Variants in DENND2C observed in about 807,000 individuals in gnomAD.
The protein encoded by DENND2C is DENN domain containing 2C, also known as DENN domain-containing protein 2C.
DENND2C carries 72 observed loss-of-function variants against 112.4 expected under a neutral mutation model. That is an observed-to-expected ratio of 0.64 (90% CI 0.53 to 0.78). The LOEUF is 0.78. DENND2C is among the 30% of genes least tolerant of loss of function. The probability of loss-of-function intolerance (pLI) is 0.00; values close to 1 mark genes in which losing one functional copy is unlikely to be tolerated. For missense variants in DENND2C, 992 were observed against 1,113.8 expected (o/e 0.89, Z 1.56); for synonymous variants, 329 against 381.6 (o/e 0.86, Z 1.61).
intron 3 of DENND2C, among the ~76,000 whole-genome samples, chr1:114,632,290 C>T (rs999476578): frequency 6.6e-6 from 1 of 151,836 alleles, no homozygotes; most frequent in Admixed American, 6.6e-5. Context: ...AAACTCTAAA[C>T]CCAAAGATCC....
At chr1:114,624,914 C>T (rs1043954828) in intron 4 of DENND2C, among the ~76,000 whole-genome samples, 13 of 152,176 alleles carry the variant, frequency 8.5e-5, no homozygotes, top group African/African-American at 3.1e-4. Flanking sequence ...AGCTACCGTG[C>T]CTGGCGCTGG....
At chr1:114,652,632 C>T (rs938938447) in intron 2 of DENND2C, among the ~76,000 whole-genome samples, 5 of 149,382 alleles carry the variant, frequency 3.3e-5, no homozygotes, top group African/African-American at 4.9e-5. Flanking sequence ...CATCATAAAA[C>T]CTACTTACAA....
intron 1 of DENND2C, among the ~76,000 whole-genome samples, chr1:114,661,705 T>C (rs1657496125): frequency 6.6e-6 from 1 of 152,230 alleles, no homozygotes; most frequent in Non-Finnish European, 1.5e-5. Flanking sequence ...CAGGTGACCA[T>C]TTCCCTCAAT....
chr1:114,610,965 A>G lies in DENND2C; in HGVS notation c.1369+108T>C, dbSNP rs1302886136. On this transcript the variant is annotated intron_variant, in intron 9 of 20. Coordinates refer to ENST00000393274, the MANE Select transcript of DENND2C (RefSeq NM_001256404.2). ...TCTGAAAATAAGGAAATCATCTACA[A>G]AATGGAACTTCATGTGGGAAAAAAC... is the stretch of plus-strand genomic sequence containing the variant. 5.4e-6 allele frequency: 7 copies of G among 1,292,602 alleles called. No homozygotes were observed. In the Admixed American group the frequency reaches 1.4e-4, roughly 25 times the overall value. The allele number at this position is 1,292,602 out of a possible 1,614,324, so 80.1% of individuals were successfully genotyped here.
At chr1:114,636,492 C>T (rs1656659162) in intron 3 of DENND2C, among the ~76,000 whole-genome samples, 2 of 152,098 alleles carry the variant, frequency 1.3e-5, no homozygotes, top group African/African-American at 4.8e-5. Flanking sequence ...GTGGTGAATC[C>T]AGTCTCTACA....
chr1:114,655,883 A>AATAT (rs10525704), intron 1 of DENND2C, among the ~76,000 whole-genome samples: 1,918 of 125,856 alleles, frequency 0.015, 29 homozygotes, highest in African/African-American at 0.034. Flanking sequence ...TATATGTATA[A>AATAT]ATATATATAT....
intron 1 of DENND2C, among the ~76,000 whole-genome samples, chr1:114,656,901 GCCA>G (rs1657347359): frequency 6.6e-6 from 1 of 151,996 alleles, no homozygotes; most frequent in Non-Finnish European, 1.5e-5. Context: ...ACAGGTGCAT[GCCA>G]CCACACCTGG....
At chr1:114,619,542 A>G (rs182436726) in intron 7 of DENND2C, among the ~76,000 whole-genome samples, 2 of 152,316 alleles carry the variant, frequency 1.3e-5, no homozygotes, top group Non-Finnish European at 1.5e-5. Flanking sequence ...CCCAAAAAAC[A>G]TGCAAGAAAC....
intron 2 of DENND2C, 128 bp from the exon 3 acceptor site, chr1:114,645,687 A>G (rs916434625): frequency 6.6e-5 from 10 of 152,194 alleles, no homozygotes; most frequent in African/African-American, 2.4e-4. Context: ...TAAATTAAGC[A>G]AGGATTTTTG....
intron 7 of DENND2C, 56 bp downstream of exon 7, chr1:114,621,839 T>C: frequency 6.5e-7 from 1 of 1,542,502 alleles, no homozygotes; most frequent in Non-Finnish European, 8.8e-7. Flanking sequence ...TTACTTATTC[T>C]CATTCATGGA....
intron 19 of DENND2C, 120 bp from the exon 20 acceptor site, chr1:114,587,593 T>C: frequency 7.0e-7 from 1 of 1,423,242 alleles, no homozygotes; most frequent in East Asian, 2.3e-5. Context: ...ACAAAATAAT[T>C]CTCATAATAA....
At chr1:114,591,226 C>T (rs1430086733) in intron 18 of DENND2C, among the ~76,000 whole-genome samples, 1 of 152,136 alleles carries the variant, frequency 6.6e-6, no homozygotes, top group Non-Finnish European at 1.5e-5. Flanking sequence ...CCTTGACCTC[C>T]CGAAGTGCTA....
At chr1:114,664,613 G>A (rs535715825) in intron 1 of DENND2C, among the ~76,000 whole-genome samples, 1 of 151,850 alleles carries the variant, frequency 6.6e-6, no homozygotes, top group South Asian at 2.1e-4. Context: ...CCAAGGAGCT[G>A]GGACTACAGA....
intron 8 of DENND2C, among the ~76,000 whole-genome samples, chr1:114,612,437 T>A (rs1655847606): frequency 6.7e-6 from 1 of 148,982 alleles, no homozygotes; most frequent in Non-Finnish European, 1.5e-5. Flanking sequence ...CTGCAACCTC[T>A]GCCTCCCGGA....
chr1:114,616,201 C>T (rs1655967136), intron 8 of DENND2C, among the ~76,000 whole-genome samples: 1 of 151,928 alleles, frequency 6.6e-6, no homozygotes, highest in Non-Finnish European at 1.5e-5. Flanking sequence ...ATCAGCCTGG[C>T]CAATATGGTG....
intron 8 of DENND2C, among the ~76,000 whole-genome samples, chr1:114,611,724 G>C (rs980652438): frequency 2.0e-5 from 3 of 151,324 alleles, no homozygotes; most frequent in Admixed American, 2.0e-4. Context: ...TGGGGACAAG[G>C]GGCTATCTTG....
At chr1:114,668,001 C>T (rs764809516) in intron 1 of DENND2C, among the ~76,000 whole-genome samples, 6 of 152,090 alleles carry the variant, frequency 3.9e-5, no homozygotes, top group African/African-American at 4.8e-5. Flanking sequence ...TGTTACCATC[C>T]GCTTTAAAAA....
At chr1:114,640,704 G>C (rs781025632) in intron 3 of DENND2C, among the ~76,000 whole-genome samples, 3 of 152,214 alleles carry the variant, frequency 2.0e-5, no homozygotes, top group Non-Finnish European at 2.9e-5. Context: ...TTCATGCACT[G>C]AAACTGTTCG....
At chr1:114,633,305 C>T (rs1239545426) in intron 3 of DENND2C, among the ~76,000 whole-genome samples, 2 of 151,636 alleles carry the variant, frequency 1.3e-5, no homozygotes, top group Admixed American at 6.6e-5. Flanking sequence ...ACTGGCCAGG[C>T]GTGGTGGTGC....
Sources: gnomAD v4.1 joint callset for allele counts (sites outside exome capture counted in the v4.1 genomes callset) on GRCh38, gnomAD v4.1.1 for gene constraint, MANE v1.5 for transcripts, NCBI Gene and HGNC (gene_info 2026-07-23, HGNC 2026-07-21) for gene names.